Variants in SHISA6 observed in about 807,000 individuals in gnomAD.
The protein encoded by SHISA6 is protein shisa-6.
SHISA6 carries 22 observed loss-of-function variants against 47.9 expected under a neutral mutation model. That is an observed-to-expected ratio of 0.46 (90% CI 0.33 to 0.66). The LOEUF (loss-of-function observed/expected upper bound fraction) is 0.66, where lower values mean the gene tolerates loss of function less well. Ranked by LOEUF, SHISA6 falls within the 30% of genes least tolerant of loss-of-function variation. The pLI is 0.02. For missense variants in SHISA6, 680 were observed against 764.6 expected, an observed-to-expected ratio of 0.89 and a Z score of 1.30; for synonymous variants, 388 against 337.8, an observed-to-expected ratio of 1.15 and a Z score of -1.63.
At chr17:11,522,704 G>C (rs1037954401) in intron 3 of SHISA6, among the ~76,000 whole-genome samples, 1 of 152,164 alleles carries the variant, frequency 6.6e-6, no homozygotes, top group African/African-American at 2.4e-5. Flanking sequence ...GGCCTCAAGC[G>C]ATCCTCCCGC....
rs539087265 is a variant in SHISA6, at chr17:11,454,886, T to C, written c.895+75377T>C. Among the ~76,000 whole-genome samples the C allele has an allele frequency of 1.1e-4, 17 of 152,270 alleles. No homozygotes were observed. In the South Asian group the frequency reaches 3.5e-3, roughly 32 times the overall value. ...GCAGGTGTGCTTTAAAAATGTTCAA[T>C]GGGCTGGGCACGGTAGCTCATGCCT... On this transcript the variant is annotated intron_variant, in intron 3 of 5. Coordinates refer to ENST00000441885, the MANE Select transcript of SHISA6 (RefSeq NM_207386.4).
Position 11,455,037 on chromosome 17 carries a change from T to C in SHISA6, c.895+75528T>C, listed in dbSNP as rs184362623. Among the ~76,000 whole-genome samples the C allele has an allele frequency of 1.9e-3, 293 of 152,064 alleles. 1 individual carries two copies. The highest frequency in any genetic ancestry group is 6.6e-3 in the African/African-American group (274 of 41,500). On this transcript the variant is annotated intron_variant, in intron 3 of 5. Transcript: ENST00000441885. ...ACAAAAAAATAGCTGGGCGTGGTGG[T>C]GAGCACCTGTAGTCCAAGCCACTCC... is the stretch of plus-strand genomic sequence containing the variant.
intron 1 of SHISA6, among the ~76,000 whole-genome samples, chr17:11,245,380 A>AT (rs1399845110): frequency 1.3e-5 from 2 of 151,916 alleles, no homozygotes; most frequent in East Asian, 3.9e-4. Flanking sequence ...CCATCCACAG[A>AT]TTTTGCTATT....
At chr17:11,277,262 TCTCTCTCTCTCTCTCTCTCACACA>T (rs1341352228) in intron 2 of SHISA6, among the ~76,000 whole-genome samples, 1 of 105,440 alleles carries the variant, frequency 9.5e-6, no homozygotes, top group African/African-American at 3.8e-5. Flanking sequence ...TCTCTCTCTC[TCTCTCTCTCTCTCTCTCTCACACA>T]CACACACACA....
chr17:11,301,651 C>T (rs1021753546), intron 2 of SHISA6, among the ~76,000 whole-genome samples: 3 of 152,162 alleles, frequency 2.0e-5, no homozygotes, highest in Non-Finnish European at 4.4e-5. Context: ...CAGAAAACTT[C>T]CCACTCTTAC....
intron 3 of SHISA6, among the ~76,000 whole-genome samples, chr17:11,530,824 A>T (rs1311751684): frequency 6.6e-6 from 1 of 152,234 alleles, no homozygotes; most frequent in African/African-American, 2.4e-5. Context: ...TATGTTTCAG[A>T]GCGAGGCAGC....
intron 3 of SHISA6, among the ~76,000 whole-genome samples, chr17:11,548,269 T>C (rs2071899217): frequency 6.6e-6 from 1 of 152,158 alleles, no homozygotes; most frequent in African/African-American, 2.4e-5. Flanking sequence ...ACTACACGTT[T>C]TTATTGTTGC....
chr17:11,409,666 C>T (rs577671404), intron 3 of SHISA6, among the ~76,000 whole-genome samples: 12 of 145,818 alleles, frequency 8.2e-5, no homozygotes, highest in Non-Finnish European at 1.3e-4. Context: ...ATCGTGCCAT[C>T]GCACTCCAGC....
At chr17:11,322,480 T>G (rs1275086365) in intron 2 of SHISA6, among the ~76,000 whole-genome samples, 1 of 152,202 alleles carries the variant, frequency 6.6e-6, no homozygotes, top group Non-Finnish European at 1.5e-5. Flanking sequence ...TTTTTAAATT[T>G]TATCTATATC....
chr17:11,394,770 C>T (rs963340295), intron 3 of SHISA6, among the ~76,000 whole-genome samples: 13 of 152,044 alleles, frequency 8.6e-5, no homozygotes, highest in Middle Eastern at 3.4e-3. Context: ...TCGAATTTTC[C>T]AAATTTTAAC....
intron 4 of SHISA6, 63 bp from the exon 5 acceptor site, chr17:11,555,677 G>A: frequency 6.9e-7 from 1 of 1,454,458 alleles, no homozygotes; most frequent in Admixed American, 2.7e-5. Context: ...GGGTGAGGCA[G>A]AAAGCACACC....
intron 2 of SHISA6, among the ~76,000 whole-genome samples, chr17:11,343,766 C>T (rs1911610748): frequency 6.6e-6 from 1 of 152,238 alleles, no homozygotes; most frequent in Non-Finnish European, 1.5e-5. Flanking sequence ...AGTCATCCAG[C>T]TGCTATAGTC....
intron 3 of SHISA6, among the ~76,000 whole-genome samples, chr17:11,420,517 G>T (rs549780768): frequency 1.8e-4 from 28 of 152,294 alleles, no homozygotes; most frequent in Middle Eastern, 6.8e-3. Context: ...TTAAGCAGCA[G>T]AGGCACATAT....
At chr17:11,406,910 A>G (rs1265784178) in intron 3 of SHISA6, among the ~76,000 whole-genome samples, 1 of 152,186 alleles carries the variant, frequency 6.6e-6, no homozygotes, top group African/African-American at 2.4e-5. Context: ...GTAAATAGGC[A>G]CAGGTGATTG....
rs529516972 is a variant in SHISA6 at position 11,496,521 on chromosome 17, C to T, written c.896-55375C>T. On this transcript the variant is annotated intron_variant, in intron 3 of 5. Coordinates refer to ENST00000441885, the MANE Select transcript of SHISA6 (RefSeq NM_207386.4). ...TTGGGAGGCTGAGGCGGGTGAATCACGAGGTCAGGAGTTCGAGACCAGCCT... is the reference window on the plus strand; with the variant it reads ...TTGGGAGGCTGAGGCGGGTGAATCATGAGGTCAGGAGTTCGAGACCAGCCT... Among the ~76,000 whole-genome samples, 84 of 152,132 alleles carry T rather than the reference C, an allele frequency of 5.5e-4. 1 individual carries two copies. In the South Asian group the frequency reaches 0.017, roughly 31 times the overall value.
intron 2 of SHISA6, among the ~76,000 whole-genome samples, chr17:11,369,770 C>G (rs992717055): frequency 1.3e-5 from 2 of 152,138 alleles, no homozygotes; most frequent in Non-Finnish European, 2.9e-5. Context: ...GGATGCTGAC[C>G]AGTCAGAGAC....
In SHISA6 at chr17:11,515,632, A is replaced by G. The variant is rs148049509; in HGVS notation, c.896-36264A>G. Among the ~76,000 whole-genome samples, 370 of 152,232 alleles carry G rather than the reference A, an allele frequency of 2.4e-3. 1 individual carries two copies. Among genetic ancestry groups the G allele is most frequent in the African/African-American group, 8.5e-3 (353 of 41,538 alleles). On this transcript the variant is annotated intron_variant, in intron 3 of 5. Coordinates refer to ENST00000441885, the MANE Select transcript of SHISA6 (RefSeq NM_207386.4). ...GCTCTGGGGCACAGAGTGTGTAGCA[A>G]TGTTGATCAGACTTTGAGGCAGAAT...
intron 3 of SHISA6, among the ~76,000 whole-genome samples, chr17:11,447,904 C>T (rs1029313903): frequency 2.6e-5 from 4 of 152,132 alleles, no homozygotes; most frequent in Admixed American, 2.0e-4. Context: ...AACCTGCAGA[C>T]AGCAGTGGGC....
chr17:11,467,412 C>A lies in SHISA6; in HGVS notation c.896-84484C>A, dbSNP rs528364731. Among the ~76,000 whole-genome samples the A allele has an allele frequency of 2.2e-4, 33 of 152,306 alleles. No homozygotes were observed. The South Asian group carries it at 6.4e-3, about 30-fold the overall frequency. On this transcript the variant is annotated intron_variant, in intron 3 of 5. Transcript: ENST00000441885. ...TGATCATAGAATGACAATGGTCCTT[C>A]AGTGTCAGTATGACATATGATGTCA...
Sources: gnomAD v4.1 joint callset for allele counts (sites outside exome capture counted in the v4.1 genomes callset) on GRCh38, gnomAD v4.1.1 for gene constraint, MANE v1.5 for transcripts, NCBI Gene and HGNC (gene_info 2026-07-23, HGNC 2026-07-21) for gene names.